Variants in VPS54 observed in about 807,000 individuals in gnomAD.
VPS54 encodes VPS54 subunit of GARP complex.
A neutral mutation model predicts 121.5 loss-of-function variants in VPS54; 45 were observed. The ratio of observed to expected loss-of-function variants is 0.37; its 90% CI spans 0.29 to 0.47. The LOEUF is 0.47. VPS54 is among the 20% of genes least tolerant of loss of function. The pLI is 0.99. For synonymous variants in VPS54, 371 were observed against 385.8 expected, an observed-to-expected ratio of 0.96 and a Z score of 0.45; for missense variants, 1,090 against 1,131.4, an observed-to-expected ratio of 0.96 and a Z score of 0.52.
At chr2:63,953,987 C>G (rs1300349881) in intron 7 of VPS54, among the ~76,000 whole-genome samples, 1 of 152,118 alleles carries the variant, frequency 6.6e-6, no homozygotes, top group African/African-American at 2.4e-5. Flanking sequence ...CTCTTCTTTT[C>G]CTTAAGATGT....
At chr2:63,977,589 T>C (rs1470548983) in intron 3 of VPS54, among the ~76,000 whole-genome samples, 1 of 152,250 alleles carries the variant, frequency 6.6e-6, no homozygotes, top group Non-Finnish European at 1.5e-5. Context: ...TCTCTCTGCT[T>C]ACATCTGTTC....
chr2:63,920,273 A>C (rs1433775828), intron 14 of VPS54, among the ~76,000 whole-genome samples, 173 bp downstream of exon 14: 1 of 152,148 alleles, frequency 6.6e-6, no homozygotes, highest in Non-Finnish European at 1.5e-5. Flanking sequence ...AAACATTCTA[A>C]CTCCACTTTG....
At chr2:63,994,050 C>T (rs183446630) in intron 1 of VPS54, among the ~76,000 whole-genome samples, 53 of 152,236 alleles carry the variant, frequency 3.5e-4, no homozygotes, top group African/African-American at 1.1e-3. Flanking sequence ...AAGACGTCCG[C>T]GTCAAAAACC....
chr2:63,938,908 G>T (rs1016582706), intron 11 of VPS54, among the ~76,000 whole-genome samples: 37 of 152,074 alleles, frequency 2.4e-4, no homozygotes, highest in African/African-American at 8.9e-4. Flanking sequence ...TAAGTTTTAT[G>T]TTTATTTTTA....
intron 10 of VPS54, among the ~76,000 whole-genome samples, chr2:63,943,727 C>CTTTCTTTCTTT (rs34858643): frequency 3.1e-5 from 4 of 129,606 alleles, no homozygotes; most frequent in African/African-American, 1.2e-4. Flanking sequence ...TTCTTTCTTT[C>CTTTCTTTCTTT]TTTTTTTTTT....
chr2:64,013,354 C>G (rs1396289808), intron 1 of VPS54, among the ~76,000 whole-genome samples: 1 of 151,890 alleles, frequency 6.6e-6, no homozygotes, highest in African/African-American at 2.4e-5. Context: ...ATGGATAAAC[C>G]TAAAGAAGAG....
chr2:64,017,347 AAAG>A (rs1678754818), intron 1 of VPS54, among the ~76,000 whole-genome samples: 1 of 146,986 alleles, frequency 6.8e-6, no homozygotes, highest in South Asian at 2.1e-4. Flanking sequence ...AAAAAAAAAA[AAAG>A]AAAAGAAACA....
intron 11 of VPS54, among the ~76,000 whole-genome samples, chr2:63,938,140 G>A (rs954324566): frequency 1.3e-5 from 2 of 151,346 alleles, no homozygotes; most frequent in African/African-American, 2.4e-5. Context: ...GTGCGTGGCT[G>A]TGTGTGTGTG....
rs1467126514 is a variant in VPS54 at position 63,926,533 on chromosome 2, T to C, written c.1740-5198A>G. Among the ~76,000 whole-genome samples the C allele has an allele frequency of 2.6e-5, 4 of 152,274 alleles. No homozygotes were observed. In the East Asian group the frequency reaches 5.8e-4, roughly 22 times the overall value. On this transcript the variant is annotated intron_variant, in intron 12 of 22. Coordinates refer to ENST00000272322, the MANE Select transcript of VPS54 (RefSeq NM_016516.3). ...ACCGGTCGCTCCCAAGATGGCTGAA[T>C]AGGAACAGCTCTTGTCTACAGCTCC...
chr2:63,948,733 C>A (rs939725037), intron 8 of VPS54, among the ~76,000 whole-genome samples: 4 of 152,122 alleles, frequency 2.6e-5, no homozygotes. Context: ...CAAGCTCCAG[C>A]ACTCGCACAC....
intron 11 of VPS54, among the ~76,000 whole-genome samples, chr2:63,937,663 A>G (rs1217494301): frequency 1.3e-5 from 2 of 152,144 alleles, no homozygotes; most frequent in African/African-American, 4.8e-5. Flanking sequence ...TAAGAACTAA[A>G]AGGGGGCCTC....
At chr2:63,911,478 A>G (rs938291672) in intron 20 of VPS54, among the ~76,000 whole-genome samples, 3 of 152,168 alleles carry the variant, frequency 2.0e-5, no homozygotes, top group Non-Finnish European at 4.4e-5. Flanking sequence ...AATATTATTA[A>G]TAAGATGCTA....
Position 63,952,344 on chromosome 2 carries a change from G to A in VPS54, c.1011-3181C>T, listed in dbSNP as rs1252398437. Among the ~76,000 whole-genome samples, 8 of 152,198 alleles carry A rather than the reference G, an allele frequency of 5.3e-5. No individual in the cohort carries two copies. The East Asian group carries it at 1.5e-3, about 29-fold the overall frequency. On this transcript the variant is annotated intron_variant, in intron 7 of 22. Transcript: ENST00000272322. ...AGTGAAAGAGTCCAATGGAAAATAT[G>A]TTTATATCTCAGGGAAAAAAATGTT...
chr2:64,012,375 C>G (rs76518112), intron 1 of VPS54, among the ~76,000 whole-genome samples: 1 of 150,408 alleles, frequency 6.6e-6, no homozygotes, highest in African/African-American at 2.5e-5. Context: ...CCATTCCCCA[C>G]AATATGTGGA....
chr2:64,016,610 A>AT (rs34383340), intron 1 of VPS54, among the ~76,000 whole-genome samples: 57 of 137,120 alleles, frequency 4.2e-4, no homozygotes, highest in South Asian at 7.1e-4. Context: ...TGAATTGTAT[A>AT]TTTTTTTTTT....
At position 63,919,893 on chromosome 2, in the gene VPS54, T is replaced by G. The variant is rs1179256357; in HGVS notation, c.2154A>C (p.Lys718Asn). 1.2e-6 allele frequency: 2 copies of G among 1,609,938 alleles called. No homozygotes were observed. The highest frequency in any genetic ancestry group is 3.4e-5 in the Admixed American group (2 of 59,596). Residue 718 changes from lysine to asparagine, a missense_variant, in exon 15 of 23, where the codon AAA (lysine) becomes AAC (asparagine). Transcript: ENST00000272322. ...AATGAATACACATACCTCCTGATTTTTTTTCAGGTAAAGCAATCTTCCCAT... is the reference window on the plus strand; with the variant it reads ...AATGAATACACATACCTCCTGATTTGTTTTCAGGTAAAGCAATCTTCCCAT... The part of the protein sequence containing the change: ...LSDGKIALPE[K>N]KSGATEERKP...
chr2:63,916,611 T>G (rs1353799237), intron 16 of VPS54, among the ~76,000 whole-genome samples: 2 of 152,138 alleles, frequency 1.3e-5, no homozygotes, highest in African/African-American at 2.4e-5. Flanking sequence ...AATAATATCA[T>G]GGATCCACTA....
Position 63,892,348 on chromosome 2 carries a change from C to CA in VPS54, c.*1081dup, listed in dbSNP as rs1672255786. 6.6e-6 allele frequency: 1 copy of CA among 152,168 alleles called. No homozygotes were observed. The highest frequency in any genetic ancestry group is 6.5e-5 in the Admixed American group (1 of 15,278). 9.4% of individuals were successfully genotyped at this position (152,168 alleles called of 1,614,324 possible). On this transcript the variant is annotated 3_prime_UTR_variant, in exon 23 of 23. Coordinates refer to ENST00000272322, the MANE Select transcript of VPS54 (RefSeq NM_016516.3). Reference sequence around the variant, plus strand: ...AAGATTCTTGGTGTGAGGTGAAGCACAGGCACTTTATTTGTACAGTGCTGC... The same window carrying CA: ...AAGATTCTTGGTGTGAGGTGAAGCACAAGGCACTTTATTTGTACAGTGCTGC...
chr2:63,985,264 AG>A (rs375428633), intron 1 of VPS54, among the ~76,000 whole-genome samples: 2 of 152,286 alleles, frequency 1.3e-5, no homozygotes, highest in African/African-American at 4.8e-5. Flanking sequence ...GGTTGCAGTG[AG>A]CCAAGATCAC....
Sources: gnomAD v4.1 joint callset for allele counts (sites outside exome capture counted in the v4.1 genomes callset) on GRCh38, gnomAD v4.1.1 for gene constraint, MANE v1.5 for transcripts, NCBI Gene and HGNC (gene_info 2026-07-23, HGNC 2026-07-21) for gene names.